DPP10: variants seen among roughly 807,000 people sequenced by gnomAD.
The protein encoded by DPP10 is inactive dipeptidyl peptidase 10.
In DPP10, 33 loss-of-function variants were observed where a neutral mutation model predicts 120.9. That is an observed-to-expected ratio of 0.27 (90% CI 0.21 to 0.37). The LOEUF is 0.37. Among genes scored for constraint, DPP10 ranks in the 10% least tolerant of loss-of-function variants. DPP10 has a pLI of 1.00. For missense variants in DPP10, 816 were observed against 942.8 expected (o/e 0.87, Z 1.76); for synonymous variants, 337 against 326.1 (o/e 1.03, Z -0.36).
chr2:114,461,275 C>T (rs1230966255), intron 1 of DPP10, among the ~76,000 whole-genome samples: 1 of 152,156 alleles, frequency 6.6e-6, no homozygotes, highest in East Asian at 1.9e-4. Context: ...ATTGGCACAG[C>T]CCCCAGTTTC....
At chr2:114,737,952 C>G (rs148480291) in intron 1 of DPP10, among the ~76,000 whole-genome samples, 1 of 152,260 alleles carries the variant, frequency 6.6e-6, no homozygotes, top group African/African-American at 2.4e-5. Flanking sequence ...AGGTTTAATG[C>G]GTTCACGGTT....
intron 5 of DPP10, among the ~76,000 whole-genome samples, chr2:115,653,221 C>G (rs900624010): frequency 4.6e-5 from 7 of 151,576 alleles, no homozygotes; most frequent in Non-Finnish European, 1.0e-4. Context: ...AAAAGTAAAG[C>G]CGGGGATATG....
At chr2:115,808,732 C>T (rs7598749) in intron 19 of DPP10, among the ~76,000 whole-genome samples, 2,776 of 152,252 alleles carry the variant, frequency 0.018, 87 homozygotes, top group African/African-American at 0.061. Flanking sequence ...TGCAGGCAAC[C>T]TTTCTGAAGG....
chr2:115,434,198 C>T (rs574842039), intron 3 of DPP10, among the ~76,000 whole-genome samples: 13 of 151,814 alleles, frequency 8.6e-5, no homozygotes, highest in East Asian at 3.9e-4. Context: ...TGCTGTGGTA[C>T]GAAATTTTCT....
At chr2:115,366,861 T>G (rs1445248633) in intron 3 of DPP10, among the ~76,000 whole-genome samples, 1 of 151,982 alleles carries the variant, frequency 6.6e-6, no homozygotes, top group Non-Finnish European at 1.5e-5. Context: ...TGAAAACAGA[T>G]AGTGTACATG....
At chr2:115,499,195 C>T (rs1168983518) in intron 3 of DPP10, among the ~76,000 whole-genome samples, 1 of 152,074 alleles carries the variant, frequency 6.6e-6, no homozygotes, top group Non-Finnish European at 1.5e-5. Context: ...ACTGGAGGCA[C>T]TTCTCTTTGC....
At chr2:114,529,967 C>A (rs1685825830) in intron 1 of DPP10, among the ~76,000 whole-genome samples, 1 of 152,100 alleles carries the variant, frequency 6.6e-6, no homozygotes, top group East Asian at 1.9e-4. Flanking sequence ...CTTTAATTTG[C>A]TAAGGATGAT....
At chr2:115,096,666 T>G (rs1559090006) in intron 1 of DPP10, among the ~76,000 whole-genome samples, 1 of 152,178 alleles carries the variant, frequency 6.6e-6, no homozygotes, top group Non-Finnish European at 1.5e-5. Flanking sequence ...AACCCCATCA[T>G]AAATCAAGAA....
chr2:114,821,303 G>A (rs1686067592), intron 1 of DPP10, among the ~76,000 whole-genome samples: 1 of 152,194 alleles, frequency 6.6e-6, no homozygotes, highest in African/African-American at 2.4e-5. Flanking sequence ...CTAGGCATAT[G>A]TGAGGGCAAG....
At position 114,619,630 on chromosome 2, in the gene DPP10, T is replaced by A. The variant is rs114304767; in HGVS notation, c.60+176792T>A. The stretch of plus-strand genomic sequence containing the variant: ...TGAACCAGATAAAATAAAATAAAAT[T>A]AAATTAAAATAAGCATTGATGGCAG... On this transcript the variant is annotated intron_variant, in intron 1 of 25. Coordinates refer to ENST00000410059, the MANE Select transcript of DPP10 (RefSeq NM_020868.6). 5.7e-3 allele frequency among the ~76,000 whole-genome samples: 872 copies of A among 152,036 alleles called. 3 individuals carry two copies. Among genetic ancestry groups the A allele is most frequent in the Non-Finnish European group, 9.5e-3 (647 of 67,916 alleles).
chr2:114,731,910 A>T (rs1018496211), intron 1 of DPP10, among the ~76,000 whole-genome samples: 1 of 152,110 alleles, frequency 6.6e-6, no homozygotes, highest in Admixed American at 6.5e-5. Flanking sequence ...AGCACATTCC[A>T]TGTGGAGTAT....
intron 7 of DPP10, among the ~76,000 whole-genome samples, chr2:115,725,705 A>C (rs1317641498): frequency 1.3e-5 from 2 of 152,198 alleles, no homozygotes; most frequent in African/African-American, 4.8e-5. Flanking sequence ...CTCCACTCCT[A>C]ATAAGAGCAA....
intron 1 of DPP10, among the ~76,000 whole-genome samples, chr2:114,458,265 C>A (rs1678689692): frequency 1.3e-5 from 2 of 152,146 alleles, no homozygotes; most frequent in African/African-American, 2.4e-5. Context: ...TCTTGCTTGG[C>A]AATCTTCAAA....
intron 5 of DPP10, among the ~76,000 whole-genome samples, chr2:115,633,217 G>A (rs1313836682): frequency 6.6e-6 from 1 of 152,210 alleles, no homozygotes; most frequent in African/African-American, 2.4e-5. Context: ...TTAAGACAAT[G>A]TGGCACATAT....
At chr2:115,456,759 A>G (rs2073580267) in intron 3 of DPP10, among the ~76,000 whole-genome samples, 2 of 152,052 alleles carry the variant, frequency 1.3e-5, no homozygotes, top group East Asian at 1.9e-4. Context: ...GAGCTAAACA[A>G]TGAGAACACA....
chr2:115,169,205 GA>G (rs1328913948), intron 1 of DPP10, among the ~76,000 whole-genome samples: 2 of 152,124 alleles, frequency 1.3e-5, no homozygotes, highest in Admixed American at 6.5e-5. Context: ...CTTTCATCTT[GA>G]AAAGGGAGAG....
intron 4 of DPP10, among the ~76,000 whole-genome samples, chr2:115,512,168 A>T (rs1212396326): frequency 6.6e-6 from 1 of 151,354 alleles, no homozygotes; most frequent in Non-Finnish European, 1.5e-5. Flanking sequence ...TGTTGTGATC[A>T]TGGCTCACTG....
At chr2:114,634,899 G>A (rs10496469) in intron 1 of DPP10, among the ~76,000 whole-genome samples, 22,035 of 151,716 alleles carry the variant, frequency 0.15, 2,851 homozygotes, top group African/African-American at 0.33. Flanking sequence ...TTTTCTAAGA[G>A]TTGATGAACT....
intron 5 of DPP10, among the ~76,000 whole-genome samples, chr2:115,574,098 G>A (rs558323028): frequency 6.6e-6 from 1 of 152,038 alleles, no homozygotes; most frequent in Non-Finnish European, 1.5e-5. Flanking sequence ...AGGAACCACG[G>A]TGTCACTTCA....
Sources: allele counts gnomAD v4.1 joint callset (sites outside exome capture counted in the v4.1 genomes callset), GRCh38; gene constraint gnomAD v4.1.1; transcripts MANE v1.5; gene names NCBI Gene and HGNC (gene_info 2026-07-23, HGNC 2026-07-21).